The following FAM193A variants were observed in gnomAD, a reference collection of about 807,000 sequenced individuals.
FAM193A encodes the protein protein FAM193A.
In FAM193A, 22 loss-of-function variants were observed where a neutral mutation model predicts 126.5. That is an observed-to-expected ratio of 0.17 (90% CI 0.12 to 0.25). The LOEUF is 0.25. FAM193A is among the 10% of genes least tolerant of loss of function. FAM193A has a pLI of 1.00. For synonymous variants in FAM193A, 761 were observed against 646.8 expected (o/e 1.18, Z -2.68); for missense variants, 1,675 against 1,672.8 (o/e 1.00, Z -0.02).
Position 2,672,378 on chromosome 4 carries a change from T to C in FAM193A, c.2331+6T>C. On this transcript the variant is annotated splice_donor_region_variant and intron_variant, in intron 13 of 20. Transcript: ENST00000637812. Reference sequence around the variant, plus strand: ...CCCCCTTCACACACAGTAAGGTAAGTCAGGGCAAAAAGGGTCTGAAAGCTC... The same window carrying C: ...CCCCCTTCACACACAGTAAGGTAAGCCAGGGCAAAAAGGGTCTGAAAGCTC... 1 of 1,613,210 alleles carries C rather than the reference T, an allele frequency of 6.2e-7. No individual in the cohort carries two copies. Among genetic ancestry groups the C allele is most frequent in the Non-Finnish European group, 8.5e-7 (1 of 1,179,514 alleles).
chr4:2,544,724 C>T (rs1015717549), intron 1 of FAM193A, among the ~76,000 whole-genome samples: 3 of 151,712 alleles, frequency 2.0e-5, no homozygotes, highest in Admixed American at 2.0e-4. Flanking sequence ...AAAGAATTAG[C>T]CTGGTGTGGT....
chr4:2,713,684 G>T (rs899755966), intron 19 of FAM193A, among the ~76,000 whole-genome samples: 18 of 152,148 alleles, frequency 1.2e-4, no homozygotes, highest in African/African-American at 3.6e-4. Flanking sequence ...AGAACACACG[G>T]TATTCTTAGG....
intron 6 of FAM193A, among the ~76,000 whole-genome samples, chr4:2,642,645 T>A (rs1055597350): frequency 4.0e-5 from 6 of 150,816 alleles, no homozygotes; most frequent in East Asian, 1.9e-4. Context: ...TAAAAAAAAA[T>A]ATTTTACTGG....
At chr4:2,665,107 G>T (rs1712957388) in intron 12 of FAM193A, among the ~76,000 whole-genome samples, 1 of 152,162 alleles carries the variant, frequency 6.6e-6, no homozygotes, top group Admixed American at 6.5e-5. Flanking sequence ...CTTCTAATCT[G>T]TGAATATGCT....
chr4:2,695,024 T>A lies in FAM193A; in HGVS notation c.3171T>A (p.Asp1057Glu), dbSNP rs774630395. 1 of 1,610,738 alleles carries A rather than the reference T, an allele frequency of 6.2e-7. No individual in the cohort carries two copies. Residue 1057 changes from aspartate (D) to glutamate (E), a missense_variant, in exon 17 of 21, where the codon GAT becomes GAA. By Grantham distance (45) the Asp-to-Glu change is conservative (BLOSUM62 2). Around this residue, in one of 4 missense-constraint regions of FAM193A, gnomAD observed 1,186 missense variants for 1,109.2 expected, o/e 1.07. Transcript: ENST00000637812. ...AGGATGATGGGGACGAGAGTGCAGA[T>A]GAGGACAGCTGCTCTGAGCACAGCT... ...PQQDDGDESA[D>E]EDSCSEHSSS...
intron 5 of FAM193A, 102 bp downstream of exon 5, chr4:2,631,271 C>A: frequency 9.9e-7 from 1 of 1,011,028 alleles, no homozygotes; most frequent in Non-Finnish European, 1.4e-6. Context: ...CGCTGTCACA[C>A]CCCCACACAC....
intron 2 of FAM193A, chr4:2,615,169 A>G (rs1284468596): frequency 1.3e-5 from 2 of 152,458 alleles, no homozygotes; most frequent in South Asian, 2.1e-4. Flanking sequence ...AGGAACAAAG[A>G]AATCTGTACT....
chr4:2,598,776 G>C (rs1389997980), intron 2 of FAM193A, among the ~76,000 whole-genome samples: 1 of 152,204 alleles, frequency 6.6e-6, no homozygotes, highest in African/African-American at 2.4e-5. Context: ...GCCTCAGCTG[G>C]GCTGTCTCTA....
At chr4:2,560,983 A>G (rs1206577747) in intron 1 of FAM193A, among the ~76,000 whole-genome samples, 1 of 152,102 alleles carries the variant, frequency 6.6e-6, no homozygotes, top group Non-Finnish European at 1.5e-5. Flanking sequence ...TGACTGTGAT[A>G]TCCACCTTTC....
intron 18 of FAM193A, 79 bp downstream of exon 18, chr4:2,696,672 AGGGCTGAGCCACAGGAGGTCG>A (rs1717076370): frequency 8.9e-7 from 1 of 1,123,120 alleles, no homozygotes; most frequent in African/African-American, 1.5e-5. Flanking sequence ...GTCTCTAGGC[AGGGCTGAGCCACAGGAGGTCG>A]GGGCTCTGAC....
intron 12 of FAM193A, among the ~76,000 whole-genome samples, chr4:2,670,546 A>C (rs575350006): frequency 2.9e-4 from 44 of 151,952 alleles, no homozygotes; most frequent in African/African-American, 1.0e-3. Flanking sequence ...TCGAGCCTGG[A>C]CCTCCTGGGC....
intron 13 of FAM193A, among the ~76,000 whole-genome samples, chr4:2,674,644 A>T (rs555603398): frequency 2.6e-5 from 4 of 152,250 alleles, no homozygotes; most frequent in African/African-American, 9.6e-5. Flanking sequence ...CTTATAATTC[A>T]TATTTTAGGC....
intron 19 of FAM193A, among the ~76,000 whole-genome samples, chr4:2,714,648 A>G (rs1719350126): frequency 6.6e-6 from 1 of 152,106 alleles, no homozygotes. Flanking sequence ...CTGTGAACAA[A>G]CACACTTGAA....
chr4:2,624,398 C>T (rs1362725933), intron 2 of FAM193A, among the ~76,000 whole-genome samples: 1 of 152,256 alleles, frequency 6.6e-6, no homozygotes, highest in Admixed American at 6.5e-5. Flanking sequence ...CCTGCCTCGG[C>T]CTCCCAAAGT....
chr4:2,563,911 T>C (rs1288113768), intron 1 of FAM193A, among the ~76,000 whole-genome samples: 1 of 152,164 alleles, frequency 6.6e-6, no homozygotes, highest in African/African-American at 2.4e-5. Flanking sequence ...TTTAAAGTCA[T>C]GCACTACACA....
intron 1 of FAM193A, among the ~76,000 whole-genome samples, chr4:2,593,069 A>G (rs1335869807): frequency 6.6e-6 from 1 of 151,794 alleles, no homozygotes; most frequent in Non-Finnish European, 1.5e-5. Flanking sequence ...TTCCCAAACA[A>G]CCCTCCTATG....
chr4:2,639,935 C>A, intron 6 of FAM193A, 76 bp downstream of exon 6: 2 of 1,390,300 alleles, frequency 1.4e-6, no homozygotes, highest in Non-Finnish European at 2.0e-6. Flanking sequence ...TGCGTGTACC[C>A]GAGTACCACT....
intron 1 of FAM193A, among the ~76,000 whole-genome samples, chr4:2,547,094 A>T (rs1437592083): frequency 6.6e-6 from 1 of 151,284 alleles, no homozygotes; most frequent in African/African-American, 2.4e-5. Flanking sequence ...TTTTTAAAAA[A>T]CCCTTTTTGT....
At chr4:2,728,314 T>C (rs1577289609) in intron 20 of FAM193A, among the ~76,000 whole-genome samples, 1 of 150,692 alleles carries the variant, frequency 6.6e-6, no homozygotes, top group African/African-American at 2.5e-5. Flanking sequence ...TGAGTATCTT[T>C]CCACCTCAGT....
Sources: gnomAD v4.1 joint callset for allele counts (sites outside exome capture counted in the v4.1 genomes callset) on GRCh38, gnomAD v4.1.1 for gene constraint, gnomAD v4.1.1 regional missense constraint, MANE v1.5 for transcripts, NCBI Gene and HGNC (gene_info 2026-07-23, HGNC 2026-07-21) for gene names.